HMOX2: variants seen among roughly 807,000 people sequenced by gnomAD.
HMOX2 encodes the protein heme oxygenase 2, also known as heme oxygenase (decycling) 2.
In HMOX2, 30 loss-of-function variants were observed where a neutral mutation model predicts 33.7. That is an observed-to-expected ratio of 0.89 (90% CI 0.67 to 1.21). HMOX2 has a LOEUF of 1.21. Among genes scored for constraint, HMOX2 ranks in the 50% most tolerant of loss-of-function variants. The pLI, the probability that HMOX2 is intolerant of heterozygous loss-of-function variation, is 0.00. For synonymous variants in HMOX2, 155 were observed against 155.0 expected (o/e 1.00, Z 0.00); for missense variants, 403 against 399.1 (o/e 1.01, Z -0.08).
At chr16:4,491,595 T>G (rs557592536) in intron 1 of HMOX2, among the ~76,000 whole-genome samples, 1 of 152,088 alleles carries the variant, frequency 6.6e-6, no homozygotes, top group Non-Finnish European at 1.5e-5. Context: ...AAGGCTGCAG[T>G]GGGCCGAGAT....
chr16:4,492,319 C>T, intron 1 of HMOX2, among the ~76,000 whole-genome samples: 1 of 151,218 alleles, frequency 6.6e-6, no homozygotes, highest in African/African-American at 2.4e-5. Context: ...CAGTAAAACC[C>T]TGTCTCTAAA....
Position 4,510,300 on chromosome 16 carries a change from G to A in HMOX2, c.*544G>A, listed in dbSNP as rs1051308. 0.55 allele frequency: 87,478 copies of A among 159,512 alleles called. 27,231 individuals carry two copies. Among genetic ancestry groups the A allele is most frequent in the Non-Finnish European group, 0.69 (50,427 of 72,874 alleles). 9.9% of individuals were successfully genotyped at this position (159,512 alleles called of 1,614,324 possible). A position where few individuals can be genotyped will look rare whatever the true frequency, so the allele number is the denominator to read the frequency against. On this transcript the variant is annotated 3_prime_UTR_variant, in exon 6 of 6. Coordinates refer to ENST00000570646, the MANE Select transcript of HMOX2 (RefSeq NM_002134.4). Reference sequence around the variant, plus strand: ...TCAGCCCCAGCTTATCTCCTCCTCCGCGCTGTGTAAATGCTCCAGCACTCA... The same window carrying A: ...TCAGCCCCAGCTTATCTCCTCCTCCACGCTGTGTAAATGCTCCAGCACTCA...
intron 1 of HMOX2, among the ~76,000 whole-genome samples, chr16:4,499,640 A>G (rs927652217): frequency 6.6e-6 from 1 of 152,214 alleles, no homozygotes; most frequent in East Asian, 1.9e-4. Flanking sequence ...ATAGTATTGT[A>G]TACTTCAAAA....
At chr16:4,489,810 A>G (rs1336079872) in intron 1 of HMOX2, among the ~76,000 whole-genome samples, 1 of 151,654 alleles carries the variant, frequency 6.6e-6, no homozygotes, top group Non-Finnish European at 1.5e-5. Flanking sequence ...AGAGATCTCC[A>G]TATGTTACCC....
intron 1 of HMOX2, chr16:4,483,771 C>G (rs1039681570): frequency 1.3e-5 from 2 of 151,718 alleles, no homozygotes; most frequent in African/African-American, 4.8e-5. Flanking sequence ...GCCACTATAC[C>G]TGGTTAATTT....
intron 1 of HMOX2, among the ~76,000 whole-genome samples, chr16:4,480,327 C>T (rs1057140166): frequency 6.1e-5 from 9 of 147,524 alleles, no homozygotes; most frequent in East Asian, 2.0e-4. Flanking sequence ...GTATTACAGG[C>T]GTGAGCCACA....
At chr16:4,493,212 A>C (rs1305956852) in intron 1 of HMOX2, among the ~76,000 whole-genome samples, 1 of 152,024 alleles carries the variant, frequency 6.6e-6, no homozygotes, top group Non-Finnish European at 1.5e-5. Flanking sequence ...TCTGCCTACC[A>C]GCTAATTCAA....
intron 1 of HMOX2, among the ~76,000 whole-genome samples, chr16:4,482,993 G>A (rs996722114): frequency 6.6e-6 from 1 of 151,900 alleles, no homozygotes; most frequent in African/African-American, 2.4e-5. Flanking sequence ...TCACGCCACC[G>A]CACTCCATCC....
At chr16:4,508,832 C>T (rs1163054534) in intron 4 of HMOX2, among the ~76,000 whole-genome samples, 1 of 152,246 alleles carries the variant, frequency 6.6e-6, no homozygotes, top group Non-Finnish European at 1.5e-5. Flanking sequence ...GTTTCAGTGG[C>T]TTGAGCCACC....
chr16:4,496,756 G>A (rs1477619949), intron 1 of HMOX2: 6 of 152,138 alleles, frequency 3.9e-5, no homozygotes, highest in Non-Finnish European at 8.8e-5. Flanking sequence ...ACTTAGCCTG[G>A]TATACCCAGG....
chr16:4,482,032 C>T (rs969406070), intron 1 of HMOX2, among the ~76,000 whole-genome samples: 5 of 152,176 alleles, frequency 3.3e-5, no homozygotes, highest in African/African-American at 9.7e-5. Flanking sequence ...CCTTTACTCT[C>T]TTCTTTTTAT....
chr16:4,498,985 T>C (rs926531198), intron 1 of HMOX2, among the ~76,000 whole-genome samples: 1 of 152,234 alleles, frequency 6.6e-6, no homozygotes, highest in Admixed American at 6.5e-5. Context: ...ATCTGCAATG[T>C]GGGTATTCTA....
intron 1 of HMOX2, among the ~76,000 whole-genome samples, chr16:4,498,572 A>T (rs546591603): frequency 1.3e-5 from 2 of 151,862 alleles, no homozygotes; most frequent in South Asian, 4.2e-4. Flanking sequence ...ACAAGGTCTG[A>T]CTGTGTTGCC....
At chr16:4,483,173 G>A (rs1343328572) in intron 1 of HMOX2, among the ~76,000 whole-genome samples, 1 of 9,702 alleles carries the variant, frequency 1.0e-4, no homozygotes, top group Non-Finnish European at 2.9e-4. Flanking sequence ...GTGTGTGTGT[G>A]TGTGTGTGTG....
intron 1 of HMOX2, among the ~76,000 whole-genome samples, chr16:4,499,026 A>T (rs754992182): frequency 4.6e-5 from 7 of 152,192 alleles, no homozygotes; most frequent in Non-Finnish European, 7.3e-5. Flanking sequence ...TCACCTTAGA[A>T]AGGGCAGATA....
chr16:4,507,596 A>T (rs982660354), intron 3 of HMOX2, 117 bp from the exon 4 acceptor site: 2 of 1,040,360 alleles, frequency 1.9e-6, no homozygotes, highest in African/African-American at 1.6e-5. Context: ...TCACTACATA[A>T]AAATGGACCA....
At chr16:4,483,913 C>G (rs1194767747) in intron 1 of HMOX2, among the ~76,000 whole-genome samples, 1 of 151,482 alleles carries the variant, frequency 6.6e-6, no homozygotes, top group Non-Finnish European at 1.5e-5. Flanking sequence ...CATCCAGCCT[C>G]AAATTTATCT....
chr16:4,489,700 C>T (rs1014093666), intron 1 of HMOX2, among the ~76,000 whole-genome samples: 1 of 152,186 alleles, frequency 6.6e-6, no homozygotes, highest in African/African-American at 2.4e-5. Flanking sequence ...CTCAAGCTAT[C>T]CACCTGCCTT....
intron 1 of HMOX2, among the ~76,000 whole-genome samples, chr16:4,500,295 A>G (rs914583767): frequency 1.9e-4 from 29 of 152,312 alleles, no homozygotes; most frequent in Admixed American, 6.5e-4. Context: ...CCCAACTGCA[A>G]GGTGTTCAGC....
Sources: gnomAD v4.1 joint callset for allele counts (sites outside exome capture counted in the v4.1 genomes callset) on GRCh38, gnomAD v4.1.1 for gene constraint, MANE v1.5 for transcripts, NCBI Gene and HGNC (gene_info 2026-07-23, HGNC 2026-07-21) for gene names.